The following TENM2 variants were observed in gnomAD, a reference collection of about 807,000 sequenced individuals.
TENM2 encodes teneurin-2.
TENM2 carries 52 observed loss-of-function variants against 245.2 expected under a neutral mutation model. That is an observed-to-expected ratio of 0.21 (90% CI 0.17 to 0.27). TENM2 has a LOEUF of 0.27. TENM2 is among the 10% of genes least tolerant of loss of function. TENM2 has a pLI of 1.00. For missense variants in TENM2, 3,046 were observed against 3,666.8 expected (o/e 0.83, Z 4.37); for synonymous variants, 1,363 against 1,438.9 (o/e 0.95, Z 1.19).
intron 2 of TENM2, among the ~76,000 whole-genome samples, chr5:167,790,182 C>T (rs574802421): frequency 3.3e-4 from 50 of 152,130 alleles, no homozygotes; most frequent in African/African-American, 1.2e-3. Context: ...CCGTTCGTGT[C>T]AGTGCGATTT....
At chr5:167,493,869 C>A (rs944879231) in intron 2 of TENM2, among the ~76,000 whole-genome samples, 1 of 151,922 alleles carries the variant, frequency 6.6e-6, no homozygotes, top group Non-Finnish European at 1.5e-5. Flanking sequence ...AACACATAAA[C>A]AATATAAAAT....
chr5:167,173,984 T>C, the TENM2 span, among the ~76,000 whole-genome samples: 1 of 152,144 alleles, frequency 6.6e-6, no homozygotes, highest in African/African-American at 2.4e-5. Context: ...AATATAATAA[T>C]GTAGAGAAAT....
chr5:168,254,785 G>A (rs556405365), intron 27 of TENM2, among the ~76,000 whole-genome samples: 52 of 152,152 alleles, frequency 3.4e-4, no homozygotes, highest in Non-Finnish European at 6.3e-4. Flanking sequence ...GGTGGCTTAC[G>A]CCTGTAATCC....
At chr5:167,191,296 T>G in the TENM2 span, among the ~76,000 whole-genome samples, 8 of 152,070 alleles carry the variant, frequency 5.3e-5, no homozygotes, top group Non-Finnish European at 1.2e-4. Context: ...GTATATGTCA[T>G]TAAAATATAT....
At chr5:167,822,224 G>GA (rs368002117) in intron 2 of TENM2, among the ~76,000 whole-genome samples, 400 of 149,364 alleles carry the variant, frequency 2.7e-3, no homozygotes, top group Non-Finnish European at 4.2e-3. Context: ...TGTTTGAAAG[G>GA]AAAAAAAAAT....
chr5:167,910,969 C>T (rs961629577), intron 3 of TENM2, among the ~76,000 whole-genome samples: 3 of 151,846 alleles, frequency 2.0e-5, no homozygotes, highest in Non-Finnish European at 4.4e-5. Context: ...TTAAACAAAC[C>T]CTAGGAAAAA....
intron 3 of TENM2, among the ~76,000 whole-genome samples, chr5:167,927,900 G>A (rs1332695650): frequency 8.5e-5 from 13 of 152,186 alleles, no homozygotes; most frequent in Admixed American, 5.9e-4. Flanking sequence ...CTGCTATAGA[G>A]AGGCTGATGT....
At chr5:168,071,795 C>T (rs1315231920) in intron 7 of TENM2, among the ~76,000 whole-genome samples, 1 of 152,124 alleles carries the variant, frequency 6.6e-6, no homozygotes, top group East Asian at 1.9e-4. Context: ...ACAATAATAA[C>T]CATGAGAGCA....
chr5:167,138,914 C>T, the TENM2 span, among the ~76,000 whole-genome samples: 2 of 152,166 alleles, frequency 1.3e-5, no homozygotes, highest in Admixed American at 6.5e-5. Flanking sequence ...TGAGTCACAG[C>T]GCCTGGCCTG....
At chr5:168,013,924 T>C (rs1485961269) in intron 5 of TENM2, among the ~76,000 whole-genome samples, 5 of 152,238 alleles carry the variant, frequency 3.3e-5, no homozygotes, top group Admixed American at 6.5e-5. Context: ...CTTTGGTTTG[T>C]GGCAGCACAA....
chr5:167,350,732 T>TGGATATATACATAC (rs1758816282), intron 1 of TENM2, among the ~76,000 whole-genome samples: 1 of 88,758 alleles, frequency 1.1e-5, no homozygotes, highest in African/African-American at 4.0e-5. Flanking sequence ...TATATACATA[T>TGGATATATACATAC]GGATATATAT....
At chr5:167,392,363 T>C (rs1053302311) in intron 2 of TENM2, among the ~76,000 whole-genome samples, 9 of 152,178 alleles carry the variant, frequency 5.9e-5, no homozygotes, top group African/African-American at 2.2e-4. Flanking sequence ...AGATTAGCTT[T>C]TGAATTAGTG....
intron 2 of TENM2, among the ~76,000 whole-genome samples, chr5:167,519,910 A>G (rs1770639749): frequency 6.6e-6 from 1 of 152,212 alleles, no homozygotes; most frequent in Admixed American, 6.5e-5. Context: ...ACTCTGATAC[A>G]TGTTTACAAG....
intron 4 of TENM2, among the ~76,000 whole-genome samples, chr5:167,987,272 C>A (rs1401855131): frequency 6.6e-6 from 1 of 151,620 alleles, no homozygotes; most frequent in Non-Finnish European, 1.5e-5. Flanking sequence ...AAAAGTGATT[C>A]AGGTAGAATT....
At chr5:168,058,916 T>C (rs1342254680) in intron 6 of TENM2, among the ~76,000 whole-genome samples, 1 of 152,014 alleles carries the variant, frequency 6.6e-6, no homozygotes, top group African/African-American at 2.4e-5. Flanking sequence ...TTGTTCCCAT[T>C]TTACAAAAAA....
intron 1 of TENM2, among the ~76,000 whole-genome samples, chr5:167,358,765 A>G (rs910349886): frequency 1.3e-5 from 2 of 150,092 alleles, no homozygotes; most frequent in African/African-American, 4.9e-5. Context: ...CAAACACCCA[A>G]AGTAAACTCA....
intron 1 of TENM2, among the ~76,000 whole-genome samples, chr5:167,352,767 ACT>A (rs1346873632): frequency 6.6e-6 from 1 of 152,138 alleles, no homozygotes; most frequent in Non-Finnish European, 1.5e-5. Flanking sequence ...GTGTAGTGAA[ACT>A]CTGACATATG....
At chr5:167,318,159 T>C (rs1243400988) in intron 1 of TENM2, among the ~76,000 whole-genome samples, 1 of 152,174 alleles carries the variant, frequency 6.6e-6, no homozygotes, top group Non-Finnish European at 1.5e-5. Context: ...TATAAATGGC[T>C]TCAGTTCACT....
chr5:167,491,302 A>G (rs1582191662), intron 2 of TENM2, among the ~76,000 whole-genome samples: 1 of 152,118 alleles, frequency 6.6e-6, no homozygotes, highest in African/African-American at 2.4e-5. Context: ...ACTGCTTCCA[A>G]TTACCTGTGA....
Sources: allele counts gnomAD v4.1 joint callset (sites outside exome capture counted in the v4.1 genomes callset), GRCh38; gene constraint gnomAD v4.1.1; transcripts MANE v1.5; gene names NCBI Gene and HGNC (gene_info 2026-07-23, HGNC 2026-07-21).